Variants in MNS1 observed in about 807,000 individuals in gnomAD.
The protein encoded by MNS1 is meiosis specific nuclear structural 1, also known as meiosis-specific nuclear structural protein 1.
In MNS1, 63 loss-of-function variants were observed where a neutral mutation model predicts 72.0. That is an observed-to-expected ratio of 0.87 (90% CI 0.71 to 1.08). MNS1 has a LOEUF of 1.08. MNS1 is among the 50% of genes least tolerant of loss of function. The pLI is 0.00. For synonymous variants in MNS1, 188 were observed against 172.1 expected (o/e 1.09, Z -0.72); for missense variants, 604 against 562.4 (o/e 1.07, Z -0.75).
intron 2 of MNS1, among the ~76,000 whole-genome samples, chr15:56,458,813 T>A (rs1282869972): frequency 6.6e-6 from 1 of 152,196 alleles, no homozygotes; most frequent in Non-Finnish European, 1.5e-5. Flanking sequence ...TGAATAATAT[T>A]CCATTGTCTG....
At chr15:56,457,857 A>G (rs1341591656) in intron 2 of MNS1, among the ~76,000 whole-genome samples, 2 of 151,910 alleles carry the variant, frequency 1.3e-5, no homozygotes, top group Non-Finnish European at 2.9e-5. Context: ...ACAACTCAAC[A>G]ATTTTACCTC....
At chr15:56,463,860 G>A in intron 2 of MNS1, 166 bp downstream of exon 2, 2 of 602,482 alleles carry the variant, frequency 3.3e-6, no homozygotes, top group Non-Finnish European at 5.7e-6. Context: ...AAGACAGGCC[G>A]GCTCCAGAAA....
chr15:56,458,277 C>G (rs1319076388), intron 2 of MNS1, among the ~76,000 whole-genome samples: 5 of 151,840 alleles, frequency 3.3e-5, no homozygotes, highest in Non-Finnish European at 7.4e-5. Flanking sequence ...CTATCTAGTT[C>G]CAGAGCCTTA....
intron 7 of MNS1, among the ~76,000 whole-genome samples, chr15:56,441,807 G>C (rs2050818290): frequency 6.6e-6 from 1 of 152,134 alleles, no homozygotes; most frequent in South Asian, 2.1e-4. Flanking sequence ...GAGGTCAGGA[G>C]ATCGAGACCA....
At position 56,452,188 on chromosome 15, in the gene MNS1, T is replaced by C. The variant is rs77150558; in HGVS notation, c.353+4206A>G. ...CACTAGGAGGATACAGGACTCAGCATATAGTTATACTCACGGCTATGACTT... is the reference window on the plus strand; with the variant it reads ...CACTAGGAGGATACAGGACTCAGCACATAGTTATACTCACGGCTATGACTT... On this transcript the variant is annotated intron_variant, in intron 3 of 9. Coordinates refer to ENST00000260453, the MANE Select transcript of MNS1 (RefSeq NM_018365.4). Among the ~76,000 whole-genome samples the C allele has an allele frequency of 1.6e-3, 242 of 152,296 alleles. 2 individuals carry two copies. Among genetic ancestry groups the C allele is most frequent in the African/African-American group, 5.3e-3 (222 of 41,558 alleles).
At chr15:56,430,755 A>G (rs1287723002) in intron 9 of MNS1, among the ~76,000 whole-genome samples, 2 of 152,132 alleles carry the variant, frequency 1.3e-5, no homozygotes, top group Admixed American at 6.5e-5. Context: ...CCATGTGCCT[A>G]TTACTGGTGT....
chr15:56,434,454 G>T (rs2050684298), intron 7 of MNS1, 59 bp from the exon 8 acceptor site: 1 of 1,504,024 alleles, frequency 6.6e-7, no homozygotes, highest in African/African-American at 1.4e-5. Flanking sequence ...GATTTATAAG[G>T]AAAGAGTGAT....
intron 2 of MNS1, among the ~76,000 whole-genome samples, chr15:56,456,726 G>A (rs1263654400): frequency 6.6e-6 from 1 of 152,014 alleles, no homozygotes; most frequent in Non-Finnish European, 1.5e-5. Context: ...ATAGTAAGAA[G>A]AATATTTAAA....
Position 56,464,185 on chromosome 15 carries a change from G to C in MNS1, c.66C>G (p.Tyr22Ter), listed in dbSNP as rs763125811. ...ERHQKLVDENYCKKLHVQALK... is the reference protein window; with the variant it reads ...ERHQKLVDEN ...GAGCTTGGACATGTAATTTTTTGCA[G>C]TAGTTTTCATCTACTAATTTCTGAT... The change falls in exon 2 of 10, where the codon TAC becomes TAG. Residue 22 changes from tyrosine (Y) to a stop codon, truncating the protein, a stop_gained. Coordinates refer to ENST00000260453, the MANE Select transcript of MNS1 (RefSeq NM_018365.4). LOFTEE classifies it high-confidence loss of function. The C allele has an allele frequency of 1.9e-6, 3 of 1,613,816 alleles. No homozygotes were observed. The South Asian group carries it at 3.3e-5, about 18-fold the overall frequency.
intron 2 of MNS1, among the ~76,000 whole-genome samples, chr15:56,461,775 T>C (rs1380974417): frequency 2.0e-5 from 3 of 148,930 alleles, no homozygotes; most frequent in Admixed American, 1.3e-4. Flanking sequence ...AGTACATAAA[T>C]ATCTATGAGT....
rs757535227 is a variant in MNS1 at position 56,429,053 on chromosome 15, C to A, written c.*48G>T. Reference sequence around the variant, plus strand: ...TGTAAAACAAAAGTTATGCTGACATCTAGTGGTAACATGCAAAAAATCTAT... The same window carrying A: ...TGTAAAACAAAAGTTATGCTGACATATAGTGGTAACATGCAAAAAATCTAT... On this transcript the variant is annotated 3_prime_UTR_variant, in exon 10 of 10. Transcript: ENST00000260453. The A allele has an allele frequency of 1.4e-5, 17 of 1,214,652 alleles. No homozygotes were observed. Among genetic ancestry groups the A allele is most frequent in the Non-Finnish European group, 1.9e-5 (16 of 851,158 alleles). 75.2% of individuals were successfully genotyped at this position (1,214,652 alleles called of 1,614,324 possible).
chr15:56,463,935 T>G (rs1404733911), intron 2 of MNS1, 91 bp downstream of exon 2: 9 of 1,031,628 alleles, frequency 8.7e-6, no homozygotes, highest in Non-Finnish European at 1.3e-5. Context: ...CTGCTGTTGT[T>G]TATCTACTCA....
intron 3 of MNS1, 91 bp downstream of exon 3, chr15:56,456,303 A>C (rs1356879984): frequency 2.4e-6 from 3 of 1,225,440 alleles, no homozygotes; most frequent in Middle Eastern, 2.6e-4. Context: ...GAAATGACAT[A>C]AACAAAGAAA....
chr15:56,448,380 A>C (rs2050923169), intron 3 of MNS1, among the ~76,000 whole-genome samples: 1 of 152,118 alleles, frequency 6.6e-6, no homozygotes, highest in African/African-American at 2.4e-5. Context: ...GTTGTTTTTT[A>C]ACCCACTCCT....
intron 3 of MNS1, among the ~76,000 whole-genome samples, chr15:56,455,516 G>A (rs1170533043): frequency 1.3e-5 from 2 of 152,086 alleles, no homozygotes; most frequent in African/African-American, 4.8e-5. Flanking sequence ...TTCTACAGAC[G>A]TCCTGCTCAA....
intron 7 of MNS1, among the ~76,000 whole-genome samples, chr15:56,443,051 T>A (rs1163309498): frequency 7.2e-5 from 11 of 152,214 alleles, no homozygotes; most frequent in African/African-American, 2.7e-4. Context: ...TAGATGAATT[T>A]ACTGTATTAT....
intron 7 of MNS1, among the ~76,000 whole-genome samples, chr15:56,438,040 C>T (rs1447304283): frequency 2.6e-5 from 4 of 152,128 alleles, no homozygotes; most frequent in East Asian, 3.8e-4. Flanking sequence ...GCCATACTGC[C>T]CAAGGTAATT....
At chr15:56,462,707 C>A (rs2051031127) in intron 2 of MNS1, among the ~76,000 whole-genome samples, 1 of 152,152 alleles carries the variant, frequency 6.6e-6, no homozygotes, top group Non-Finnish European at 1.5e-5. Flanking sequence ...TATGAATGTT[C>A]CTTGGATCTT....
intron 5 of MNS1, 72 bp from the exon 6 acceptor site, chr15:56,443,926 A>C (rs2050863769): frequency 2.6e-6 from 3 of 1,153,870 alleles, no homozygotes; most frequent in Non-Finnish European, 3.6e-6. Context: ...TTTTGTTCAT[A>C]ATAATGTACA....
Sources: gnomAD v4.1 joint callset for allele counts (sites outside exome capture counted in the v4.1 genomes callset) on GRCh38, gnomAD v4.1.1 for gene constraint, MANE v1.5 for transcripts, NCBI Gene and HGNC (gene_info 2026-07-23, HGNC 2026-07-21) for gene names.